Variants in MELK observed in about 807,000 individuals in gnomAD.
MELK encodes maternal embryonic leucine zipper kinase, also known as pEg3 kinase.
A neutral mutation model predicts 85.0 loss-of-function variants in MELK; 81 were observed. That is an observed-to-expected ratio of 0.95 (90% confidence interval 0.80 to 1.15). MELK has a LOEUF of 1.15. MELK is among the 50% of genes most tolerant of loss of function. The pLI is 0.00. For missense variants in MELK, 754 were observed against 777.5 expected (o/e 0.97, Z 0.36); for synonymous variants, 252 against 265.0 (o/e 0.95, Z 0.48).
Position 36,588,195 on chromosome 9 carries a change from T to C in MELK, c.145-1341T>C, listed in dbSNP as rs1197925496. Among the ~76,000 whole-genome samples, 3 of 150,382 alleles carry C rather than the reference T, an allele frequency of 2.0e-5. No individual in the cohort carries two copies. In the East Asian group the frequency reaches 5.8e-4, roughly 29 times the overall value. ...CCTCAGCCTCCAGAGTAGCTGGGAT[T>C]ACAGACATGCGCCACCATGCCCGGC... is the stretch of plus-strand genomic sequence containing the variant. On this transcript the variant is annotated intron_variant, in intron 3 of 17. Coordinates refer to ENST00000298048, the MANE Select transcript of MELK (RefSeq NM_014791.4).
At chr9:36,574,874 C>T (rs1300038462) in intron 1 of MELK, among the ~76,000 whole-genome samples, 3 of 151,500 alleles carry the variant, frequency 2.0e-5, no homozygotes, top group Non-Finnish European at 4.4e-5. Flanking sequence ...CGGTGGCTCA[C>T]GCCTGTAATC....
At chr9:36,657,449 T>A in intron 13 of MELK, 86 bp downstream of exon 13, 1 of 1,426,950 alleles carries the variant, frequency 7.0e-7, no homozygotes, top group East Asian at 2.4e-5. Context: ...AAGGTGTGCT[T>A]GCAAATTTAA....
Position 36,665,350 on chromosome 9 carries a change from T to C in MELK, c.1177T>C (p.Phe393Leu). ...TTATCTAGTAACTTTTTTTTTCCAG[T>C]TTACCAAGTACTGGACAGAATCAAA... ...TGAATPRTSQ[F>L]TKYWTESNGV... The change falls in exon 14 of 18, where the codon TTT becomes CTT. Residue 393 changes from phenylalanine (F) to leucine (L), a missense_variant and splice_region_variant. Transcript: ENST00000298048. 6.3e-7 allele frequency: 1 copy of C among 1,586,018 alleles called. No homozygotes were observed. The highest frequency in any genetic ancestry group is 8.6e-7 in the Non-Finnish European group (1 of 1,167,094).
chr9:36,639,594 G>T (rs149229245), intron 10 of MELK, among the ~76,000 whole-genome samples: 1 of 152,334 alleles, frequency 6.6e-6, no homozygotes, highest in East Asian at 1.9e-4. Context: ...ATGCAGTTTT[G>T]TACTTAATTT....
chr9:36,621,445 C>T (rs186553296), intron 8 of MELK, among the ~76,000 whole-genome samples: 33 of 151,918 alleles, frequency 2.2e-4, no homozygotes, highest in Admixed American at 1.6e-3. Context: ...ATTTTACTTA[C>T]CTACCACACC....
chr9:36,617,016 T>C (rs528111072), intron 8 of MELK, among the ~76,000 whole-genome samples: 35 of 152,298 alleles, frequency 2.3e-4, no homozygotes, highest in Non-Finnish European at 4.6e-4. Flanking sequence ...CAGTCCTAGG[T>C]TAATGGACAT....
At chr9:36,644,715 C>T (rs1195005037) in intron 11 of MELK, among the ~76,000 whole-genome samples, 1 of 152,084 alleles carries the variant, frequency 6.6e-6, no homozygotes, top group Non-Finnish European at 1.5e-5. Flanking sequence ...ACTTTAGATA[C>T]TGAAATTTTA....
intron 10 of MELK, among the ~76,000 whole-genome samples, chr9:36,637,608 A>G (rs1829341752): frequency 6.6e-6 from 1 of 152,262 alleles, no homozygotes; most frequent in South Asian, 2.1e-4. Flanking sequence ...GGACATGTGC[A>G]TGAATCAACA....
rs1446976588 is a variant in MELK at position 36,616,781 on chromosome 9, TTTTATA to T, written c.666+9116_666+9121del. On this transcript the variant is annotated intron_variant, in intron 8 of 17. Transcript: ENST00000298048. ...GACATTAGCCTGCATATGTAAGGAA[TTTTATA>T]TTTATATATTTTCTCTTTCTGCTAC... is the stretch of plus-strand genomic sequence containing the variant. Among the ~76,000 whole-genome samples, 4 of 151,968 alleles carry T rather than the reference TTTTATA, an allele frequency of 2.6e-5. No individual in the cohort carries two copies. In the East Asian group the frequency reaches 5.8e-4, roughly 22 times the overall value.
chr9:36,592,192 T>G (rs1342569010), intron 4 of MELK, among the ~76,000 whole-genome samples: 92 of 149,036 alleles, frequency 6.2e-4, no homozygotes, highest in African/African-American at 2.2e-3. Context: ...TTTTTTTTTT[T>G]GAGACGGAGT....
intron 11 of MELK, among the ~76,000 whole-genome samples, chr9:36,650,569 G>A (rs1830613507): frequency 6.6e-6 from 1 of 152,212 alleles, no homozygotes; most frequent in Admixed American, 6.5e-5. Flanking sequence ...AGAATTCTCT[G>A]CTTAACCAAA....
Position 36,643,004 on chromosome 9 carries a change from AC to A in MELK, c.844del (p.Leu282SerfsTer6), listed in dbSNP as rs1331020152. The A allele has an allele frequency of 1.2e-6, 2 of 1,603,572 alleles. No individual in the cohort carries two copies. Among genetic ancestry groups the A allele is most frequent in the East Asian group, 4.5e-5 (2 of 44,592 alleles). On this transcript the variant is annotated frameshift_variant, in exon 11 of 18. Coordinates refer to ENST00000298048, the MANE Select transcript of MELK (RefSeq NM_014791.4). LOFTEE classifies it high-confidence loss of function. ...CATAATTTTTTTTTGTAGTTTATTC[AC>A]CTCGATGATGATTGCGTAACAGAAC... ...VEWQSKNPFIHLDDDCVTELS... is the reference protein window; with the variant it reads ...VEWQSKNPFIXLDDDCVTELS...
intron 8 of MELK, among the ~76,000 whole-genome samples, chr9:36,611,403 T>C (rs1826038310): frequency 6.6e-6 from 1 of 152,216 alleles, no homozygotes; most frequent in Non-Finnish European, 1.5e-5. Context: ...CTCACTAAAA[T>C]GTCTCCTGCC....
At chr9:36,660,913 C>A (rs1378838832) in intron 13 of MELK, among the ~76,000 whole-genome samples, 2 of 152,128 alleles carry the variant, frequency 1.3e-5, no homozygotes, top group Non-Finnish European at 2.9e-5. Context: ...ATTGCTTGAA[C>A]CCGGGAGGTG....
chr9:36,616,155 AAGTAAAATTGACCCTTTGTATATAC>A (rs1260685861), intron 8 of MELK, among the ~76,000 whole-genome samples: 6 of 152,300 alleles, frequency 3.9e-5, no homozygotes, highest in South Asian at 2.1e-4. Flanking sequence ...ACAAAGGGTA[AAGTAAAATTGACCCTTTGTATATAC>A]AGTAAAATTG....
At chr9:36,608,977 A>T (rs902524010) in intron 8 of MELK, among the ~76,000 whole-genome samples, 1 of 152,240 alleles carries the variant, frequency 6.6e-6, no homozygotes, top group African/African-American at 2.4e-5. Context: ...CTTTTGACTT[A>T]TAAAATAAGA....
intron 8 of MELK, among the ~76,000 whole-genome samples, chr9:36,611,965 G>T (rs1194548280): frequency 6.6e-6 from 1 of 151,892 alleles, no homozygotes; most frequent in African/African-American, 2.4e-5. Flanking sequence ...TAGAGACGGG[G>T]TTTCACCATA....
At chr9:36,621,688 C>T (rs540534318) in intron 8 of MELK, among the ~76,000 whole-genome samples, 1 of 152,274 alleles carries the variant, frequency 6.6e-6, no homozygotes, top group Admixed American at 6.5e-5. Context: ...ATTGACTTAA[C>T]TCTAACCTTT....
chr9:36,666,088 A>G (rs1009077356), intron 14 of MELK, among the ~76,000 whole-genome samples: 4 of 152,212 alleles, frequency 2.6e-5, no homozygotes, highest in African/African-American at 7.2e-5. Flanking sequence ...GGGTGAATCC[A>G]TGATGCCCTT....
Sources: gnomAD v4.1 joint callset for allele counts (sites outside exome capture counted in the v4.1 genomes callset) on GRCh38, gnomAD v4.1.1 for gene constraint, MANE v1.5 for transcripts, NCBI Gene and HGNC (gene_info 2026-07-23, HGNC 2026-07-21) for gene names.